NTRK1: variants seen among roughly 807,000 people sequenced by gnomAD.
NTRK1 encodes the protein neurotrophic receptor tyrosine kinase 1.
In NTRK1, 62 loss-of-function variants were observed where a neutral mutation model predicts 86.8. The observed-to-expected ratio is 0.71, with a 90% confidence interval of 0.58 to 0.88. The LOEUF (loss-of-function observed/expected upper bound fraction) is 0.88. Ranked by LOEUF, NTRK1 falls within the 40% of genes least tolerant of loss-of-function variation. The probability of loss-of-function intolerance (pLI) is 0.00; values close to 1 mark genes in which losing one functional copy is unlikely to be tolerated. For missense variants in NTRK1, 967 were observed against 1,078.4 expected (o/e 0.90, Z 1.45); for synonymous variants, 469 against 456.6 (o/e 1.03, Z -0.35).
Position 156,871,696 on chromosome 1 carries a change from C to T in NTRK1, c.791C>T (p.Thr264Met), listed in dbSNP as rs1023556915. Residue 264 changes from threonine (T) to methionine (M), a missense_variant, in exon 7 of 17, where the codon ACG becomes ATG. Transcript: ENST00000524377. ...VTSDLNRKNV[T>M]CWAENDVGRA... ...AGTGACCTCAACAGGAAGAACGTGACGTGCTGGGCAGAGAACGATGTGGGC... is the reference window on the plus strand; with the variant it reads ...AGTGACCTCAACAGGAAGAACGTGATGTGCTGGGCAGAGAACGATGTGGGC... The T allele has an allele frequency of 1.7e-5, 27 of 1,614,048 alleles. No homozygotes were observed. The highest frequency in any genetic ancestry group is 5.5e-5 in the South Asian group (5 of 91,076).
chr1:156,880,160 C>G lies in NTRK1; in HGVS notation c.2205+3C>G, dbSNP rs777506089. On this transcript the variant is annotated splice_donor_region_variant and intron_variant, in intron 16 of 16. Transcript: ENST00000524377. Reference sequence around the variant, plus strand: ...GGTACCAGCTCTCCAACACGGAGGTCAGCCCCGGCCCATGGTCACCCCTTG... The same window carrying G: ...GGTACCAGCTCTCCAACACGGAGGTGAGCCCCGGCCCATGGTCACCCCTTG... 1.6e-5 allele frequency: 25 copies of G among 1,612,866 alleles called. No individual in the cohort carries two copies. The highest frequency in any genetic ancestry group is 1.7e-5 in the Non-Finnish European group (20 of 1,179,986).
intron 10 of NTRK1, 121 bp downstream of exon 10, chr1:156,874,747 G>A (rs1647790105): frequency 7.9e-7 from 1 of 1,258,196 alleles, no homozygotes; most frequent in East Asian, 2.5e-5. Flanking sequence ...AGCTCTGACG[G>A]CCACCCGCAC....
upstream of NTRK1, among the ~76,000 whole-genome samples, chr1:156,857,211 G>A (rs1655441202): frequency 7.2e-6 from 1 of 138,926 alleles, no homozygotes. Context: ...GTGTGTGTGT[G>A]TGTATGTCTG....
intron 2 of NTRK1, chr1:156,844,947 G>A (rs1654936585): frequency 2.0e-5 from 32 of 1,563,598 alleles, no homozygotes; most frequent in African/African-American, 2.7e-5. Context: ...GAAAGCTTTG[G>A]GATTATGGGA....
chr1:156,816,724 A>T (rs1305075946), intron 1 of NTRK1: 1 of 1,592,458 alleles, frequency 6.3e-7, no homozygotes. Context: ...CAGCCTCACA[A>T]GGGATCCCAG....
intron 1 of NTRK1, among the ~76,000 whole-genome samples, chr1:156,824,267 G>T (rs1284187598): frequency 2.6e-5 from 4 of 152,042 alleles, no homozygotes; most frequent in Non-Finnish European, 5.9e-5. Context: ...CCCTGGCAGG[G>T]TTCTCCTTTA....
At position 156,873,681 on chromosome 1, in the gene NTRK1, G is replaced by A. The variant is rs754703492; in HGVS notation, c.899G>A (p.Cys300Tyr). ...ACGGCGGTGGAGATGCACCACTGGT[G>A]CATCCCCTTCTCTGTGGATGGGCAG... The part of the protein sequence containing the change: ...LHTAVEMHHW[C>Y]IPFSVDGQPA... The change falls in exon 8 of 17, where the codon TGC becomes TAC. Residue 300 changes from cysteine (C) to tyrosine (Y), a missense_variant. Around this residue, in one of 2 missense-constraint regions of NTRK1, gnomAD observed 637 missense variants for 776.5 expected, o/e 0.82. Coordinates refer to ENST00000524377, the MANE Select transcript of NTRK1 (RefSeq NM_002529.4). 3.7e-6 allele frequency: 6 copies of A among 1,610,584 alleles called. No homozygotes were observed. The Admixed American group carries it at 8.3e-5, about 22-fold the overall frequency.
At chr1:156,837,592 A>G (rs1654628097) in intron 1 of NTRK1, 1 of 152,242 alleles carries the variant, frequency 6.6e-6, no homozygotes, top group African/African-American at 2.4e-5. Context: ...CTTGGAGGAG[A>G]CCAAAACTTC....
chr1:156,866,334 G>A (rs1036839902), intron 3 of NTRK1, among the ~76,000 whole-genome samples: 5 of 152,230 alleles, frequency 3.3e-5, no homozygotes, highest in African/African-American at 7.2e-5. Context: ...GGCCCCTGCT[G>A]GGCTCACTTT....
rs1236732726 is a variant in NTRK1 at position 156,879,329 on chromosome 1, G to A, written c.2013G>A (p.Met671Ile). 3 of 1,610,800 alleles carry A rather than the reference G, an allele frequency of 1.9e-6. No individual in the cohort carries two copies. Among genetic ancestry groups the A allele is most frequent in the East Asian group, 2.2e-5 (1 of 44,878 alleles). The change falls in exon 15 of 17, where the codon ATG (methionine) becomes ATA (isoleucine). Residue 671 changes from methionine (M) to isoleucine (I), a missense_variant. Physicochemically the swap from Met to Ile is conservative, Grantham distance 10. Around this residue, in one of 2 missense-constraint regions of NTRK1, gnomAD observed 637 missense variants for 776.5 expected, o/e 0.82. Coordinates refer to ENST00000524377, the MANE Select transcript of NTRK1 (RefSeq NM_002529.4). ...TGGTCAAGATTGGTGATTTTGGCATGAGCAGGGATATCTACAGCACCGACT... is the reference window on the plus strand; with the variant it reads ...TGGTCAAGATTGGTGATTTTGGCATAAGCAGGGATATCTACAGCACCGACT... ...GLVVKIGDFG[M>I]SRDIYSTDYY...
intron 1 of NTRK1, among the ~76,000 whole-genome samples, chr1:156,834,524 T>G (rs1029342394): frequency 1.3e-5 from 2 of 152,108 alleles, no homozygotes; most frequent in Non-Finnish European, 2.9e-5. Context: ...GGGTGGTGGA[T>G]GTGGGCTGGA....
intron 3 of NTRK1, among the ~76,000 whole-genome samples, chr1:156,865,482 G>T (rs1380535832): frequency 6.6e-6 from 1 of 152,184 alleles, no homozygotes; most frequent in Non-Finnish European, 1.5e-5. Flanking sequence ...GAGCTCAGGC[G>T]GTAATGCTCA....
intron 2 of NTRK1, chr1:156,846,071 T>G (rs759758128): frequency 6.2e-7 from 1 of 1,611,244 alleles, no homozygotes. Flanking sequence ...CACCAGGAGG[T>G]GGGAGGAGGA....
At chr1:156,845,580 A>G in intron 2 of NTRK1, 8 of 468,746 alleles carry the variant, frequency 1.7e-5, no homozygotes, top group African/African-American at 5.2e-5. Flanking sequence ...CACAGGCCCC[A>G]CTCATCAGAC....
intron 4 of NTRK1, among the ~76,000 whole-genome samples, 185 bp from the exon 5 acceptor site, chr1:156,867,919 C>A (rs1184076549): frequency 2.0e-5 from 3 of 152,158 alleles, no homozygotes; most frequent in African/African-American, 7.2e-5. Flanking sequence ...GTGATCCGCC[C>A]GCCTCGGCCT....
chr1:156,827,324 C>T (rs775257626), intron 1 of NTRK1, among the ~76,000 whole-genome samples: 16 of 151,584 alleles, frequency 1.1e-4, no homozygotes, highest in African/African-American at 1.9e-4. Context: ...TGCAGTGGTG[C>T]TATCTTGGCT....
At chr1:156,821,946 T>G (rs1267329717) in intron 1 of NTRK1, among the ~76,000 whole-genome samples, 1 of 152,182 alleles carries the variant, frequency 6.6e-6, no homozygotes, top group Non-Finnish European at 1.5e-5. Context: ...TGTTTGATTT[T>G]AATCAGAAAT....
chr1:156,863,532 G>T (rs1241465873), intron 1 of NTRK1, among the ~76,000 whole-genome samples: 1 of 151,912 alleles, frequency 6.6e-6, no homozygotes, highest in African/African-American at 2.4e-5. Flanking sequence ...CCTCCTTGGG[G>T]TCCCTAACTG....
chr1:156,874,206 C>A, intron 8 of NTRK1, 177 bp from the exon 9 acceptor site: 1 of 1,056,488 alleles, frequency 9.5e-7, no homozygotes, highest in Non-Finnish European at 1.5e-6. Context: ...CATCCTGGCC[C>A]AGCTGGAAAA....
Sources: gnomAD v4.1 joint callset for allele counts (sites outside exome capture counted in the v4.1 genomes callset) on GRCh38, gnomAD v4.1.1 for gene constraint, gnomAD v4.1.1 regional missense constraint, MANE v1.5 for transcripts, NCBI Gene and HGNC (gene_info 2026-07-23, HGNC 2026-07-21) for gene names.